DGKH: variants seen among roughly 807,000 people sequenced by gnomAD.
The protein encoded by DGKH is DAG kinase eta.
DGKH carries 90 observed loss-of-function variants against 159.3 expected under a neutral mutation model. The observed-to-expected ratio is 0.57, with a 90% CI of 0.48 to 0.67. DGKH has a LOEUF of 0.67. Ranked by LOEUF, DGKH falls within the 30% of genes least tolerant of loss-of-function variation. The probability of loss-of-function intolerance (pLI) is 0.00; values close to 1 mark genes in which losing one functional copy is unlikely to be tolerated. For missense variants in DGKH, 1,181 were observed against 1,506.1 expected (o/e 0.78, Z 3.57); for synonymous variants, 536 against 553.8 (o/e 0.97, Z 0.45).
intron 1 of DGKH, 106 bp from the exon 2 acceptor site, chr13:42,127,357 G>T: frequency 1.2e-6 from 1 of 808,190 alleles, no homozygotes. Flanking sequence ...TGTAAGACAT[G>T]AGAAATATTA....
chr13:42,069,242 T>C, intron 1 of DGKH: 2 of 1,121,278 alleles, frequency 1.8e-6, no homozygotes, highest in Admixed American at 2.2e-5. Context: ...TCTTAACTTG[T>C]TCATCCTTTC....
intron 3 of DGKH, among the ~76,000 whole-genome samples, chr13:42,146,942 G>A (rs914973574): frequency 2.6e-5 from 4 of 152,166 alleles, no homozygotes; most frequent in Non-Finnish European, 5.9e-5. Flanking sequence ...CCACCTTCTG[G>A]AATGCATTTG....
intron 1 of DGKH, among the ~76,000 whole-genome samples, chr13:42,109,010 T>A (rs1954812325): frequency 6.6e-6 from 1 of 152,134 alleles, no homozygotes; most frequent in Non-Finnish European, 1.5e-5. Flanking sequence ...AAGGAATGGA[T>A]GGAGAGAGAA....
chr13:42,069,518 C>A, intron 1 of DGKH: 2 of 1,593,266 alleles, frequency 1.3e-6, no homozygotes, highest in South Asian at 1.1e-5. Context: ...GAATGAAAAT[C>A]AAATCCCTGA....
chr13:42,198,236 A>G (rs1957252517), intron 17 of DGKH, among the ~76,000 whole-genome samples: 1 of 152,192 alleles, frequency 6.6e-6, no homozygotes, highest in Non-Finnish European at 1.5e-5. Context: ...AGCCATTCCT[A>G]TTTAGGTCCT....
intron 29 of DGKH, among the ~76,000 whole-genome samples, chr13:42,225,115 G>T (rs181243336): frequency 6.6e-6 from 1 of 152,110 alleles, no homozygotes; most frequent in Non-Finnish European, 1.5e-5. Context: ...TAGAGACAGG[G>T]TCTTGCTGTG....
At chr13:42,080,823 T>C (rs2137718875) in intron 1 of DGKH, among the ~76,000 whole-genome samples, 1 of 152,308 alleles carries the variant, frequency 6.6e-6, no homozygotes, top group Non-Finnish European at 1.5e-5. Flanking sequence ...TCATTATTTA[T>C]CCGAGTTTTA....
At chr13:42,085,308 C>T (rs916451486) in intron 1 of DGKH, among the ~76,000 whole-genome samples, 4 of 152,098 alleles carry the variant, frequency 2.6e-5, no homozygotes, top group African/African-American at 7.2e-5. Context: ...TTCCCTTTCT[C>T]CCTTCCCCCT....
chr13:42,198,332 C>A (rs1260620864), intron 17 of DGKH, 146 bp from the exon 18 acceptor site: 15 of 600,182 alleles, frequency 2.5e-5, no homozygotes, highest in Non-Finnish European at 4.0e-5. Context: ...TTTTAATTTT[C>A]ATTAATGAGA....
chr13:42,113,668 G>A (rs1427783785), intron 1 of DGKH, among the ~76,000 whole-genome samples: 1 of 152,208 alleles, frequency 6.6e-6, no homozygotes, highest in Non-Finnish European at 1.5e-5. Context: ...GGTGGCCGAT[G>A]AAGGAGGTTG....
intron 1 of DGKH, among the ~76,000 whole-genome samples, chr13:42,090,204 T>C (rs1387510848): frequency 6.6e-6 from 1 of 152,174 alleles, no homozygotes; most frequent in East Asian, 1.9e-4. Flanking sequence ...ATGAAATATC[T>C]ATGAATAAAT....
intron 3 of DGKH, among the ~76,000 whole-genome samples, chr13:42,130,985 T>C (rs1183463080): frequency 1.3e-5 from 2 of 151,794 alleles, no homozygotes; most frequent in Admixed American, 1.3e-4. Context: ...TCAAGACAGA[T>C]GCTTTGACAC....
chr13:42,192,217 C>T (rs1957089237), intron 16 of DGKH, among the ~76,000 whole-genome samples: 1 of 152,192 alleles, frequency 6.6e-6, no homozygotes, highest in African/African-American at 2.4e-5. Context: ...ATGGACCTCA[C>T]ATGTTCAGCA....
intron 8 of DGKH, 87 bp downstream of exon 8, chr13:42,165,520 G>A: frequency 3.0e-6 from 2 of 673,734 alleles, no homozygotes; most frequent in Non-Finnish European, 4.6e-6. Context: ...TAACTATGAT[G>A]GTAATTGACT....
chr13:42,146,531 G>A (rs1020452768), intron 3 of DGKH, among the ~76,000 whole-genome samples: 1 of 152,184 alleles, frequency 6.6e-6, no homozygotes, highest in Admixed American at 6.5e-5. Flanking sequence ...TTAGAGACCC[G>A]TTGGAGTAGA....
chr13:42,059,710 T>C (rs1882006157), intron 1 of DGKH, among the ~76,000 whole-genome samples: 1 of 152,106 alleles, frequency 6.6e-6, no homozygotes, highest in Non-Finnish European at 1.5e-5. Context: ...CTTCTTCAGC[T>C]TCTATTTACT....
At position 42,147,586 on chromosome 13, in the gene DGKH, T is replaced by C. The variant is rs78433631; in HGVS notation, c.385-7705T>C. Reference sequence around the variant, plus strand: ...ACTAAAAGAGCTTGTGCCAAGGGAATGAGACTAATGGATTGTTCCAATCTC... The same window carrying C: ...ACTAAAAGAGCTTGTGCCAAGGGAACGAGACTAATGGATTGTTCCAATCTC... On this transcript the variant is annotated intron_variant, in intron 3 of 29. Transcript: ENST00000337343. Among the ~76,000 whole-genome samples the C allele has an allele frequency of 1.8e-3, 279 of 152,378 alleles. 4 individuals are homozygous for C. The East Asian group carries it at 0.043, about 24-fold the overall frequency.
chr13:42,177,122 A>G (rs1366527620), intron 12 of DGKH, among the ~76,000 whole-genome samples: 1 of 152,178 alleles, frequency 6.6e-6, no homozygotes, highest in African/African-American at 2.4e-5. Context: ...CACAAACTAA[A>G]CAAATCTATG....
At chr13:42,143,292 C>T (rs1216593375) in intron 3 of DGKH, among the ~76,000 whole-genome samples, 34 of 151,554 alleles carry the variant, frequency 2.2e-4, no homozygotes, top group African/African-American at 6.8e-4. Context: ...CTGCTGGATT[C>T]GGTTTGCCAG....
Sources: gnomAD v4.1 joint callset for allele counts (sites outside exome capture counted in the v4.1 genomes callset) on GRCh38, gnomAD v4.1.1 for gene constraint, MANE v1.5 for transcripts, NCBI Gene and HGNC (gene_info 2026-07-23, HGNC 2026-07-21) for gene names.